CCDC191: variants seen among roughly 807,000 people sequenced by gnomAD.
CCDC191 encodes coiled-coil domain containing 191.
In CCDC191, 99 loss-of-function variants were observed where a neutral mutation model predicts 114.0. That is an observed-to-expected ratio of 0.87 (90% CI 0.74 to 1.03). The LOEUF is 1.03. Among genes scored for constraint, CCDC191 ranks in the 50% least tolerant of loss-of-function variants. CCDC191 has a pLI of 0.00. For synonymous variants in CCDC191, 351 were observed against 376.0 expected (o/e 0.93, Z 0.77); for missense variants, 973 against 1,087.0 (o/e 0.90, Z 1.47).
Position 114,005,758 on chromosome 3 carries a change from T to C in CCDC191, c.1618A>G (p.Thr540Ala). Residue 540 changes from threonine (T) to alanine (A), a missense_variant, in exon 10 of 17, where the codon ACC becomes GCC. Thr to Ala is a moderately conservative substitution (Grantham distance 58). Coordinates refer to ENST00000295878, the MANE Select transcript of CCDC191 (RefSeq NM_020817.2). ...CAAAGCGGTTCTGCTTTCTGGCTGG[T>C]AGTTCTGAGTGTCTCGTTGCTGCCA... Reference protein sequence around the residue: ...QPGSNETLRTTSQKAEPLCLG... With the variant: ...QPGSNETLRTASQKAEPLCLG... 6.2e-7 allele frequency: 1 copy of C among 1,614,124 alleles called. No individual in the cohort carries two copies. The highest frequency in any genetic ancestry group is 8.5e-7 in the Non-Finnish European group (1 of 1,180,004).
chr3:114,014,661 TGCCTCTTTCA>T (rs1255005662), intron 8 of CCDC191, among the ~76,000 whole-genome samples: 1 of 152,170 alleles, frequency 6.6e-6, no homozygotes, highest in Non-Finnish European at 1.5e-5. Context: ...AGCCACATTC[TGCCTCTTTCA>T]GAAGGTGGGT....
rs78792853 is a variant in CCDC191 at position 113,994,549 on chromosome 3, T to C, written c.2163+7046A>G. 1.6e-3 allele frequency among the ~76,000 whole-genome samples: 241 copies of C among 150,746 alleles called. 4 individuals carry two copies. The East Asian group carries it at 0.024, about 15-fold the overall frequency. ...GCAATCACATTCCTAGGTATTTACC[T>C]AAGTGAATTGAAAACTTAAAAAACT... On this transcript the variant is annotated intron_variant, in intron 13 of 16. Coordinates refer to ENST00000295878, the MANE Select transcript of CCDC191 (RefSeq NM_020817.2).
chr3:114,001,422 A>T (rs2075853621), intron 13 of CCDC191, among the ~76,000 whole-genome samples, 173 bp downstream of exon 13: 1 of 152,180 alleles, frequency 6.6e-6, no homozygotes, highest in African/African-American at 2.4e-5. Context: ...GTTCTGTTTT[A>T]GCTGAAATCT....
chr3:114,048,649 A>G (rs1178938553), intron 2 of CCDC191, among the ~76,000 whole-genome samples: 3 of 152,106 alleles, frequency 2.0e-5, no homozygotes, highest in Admixed American at 6.5e-5. Context: ...TCACCTTCCC[A>G]GTAAGGCCTT....
At chr3:114,004,427 G>A (rs1482406699) in intron 11 of CCDC191, 10 of 1,119,926 alleles carry the variant, frequency 8.9e-6, no homozygotes, top group Non-Finnish European at 9.8e-6. Flanking sequence ...GGCTGGGAAT[G>A]CCAAAAAGGT....
Position 114,004,684 on chromosome 3 carries a change from A to C in CCDC191, c.1931T>G (p.Leu644Arg). 6.2e-7 allele frequency: 1 copy of C among 1,612,880 alleles called. No homozygotes were observed. Among genetic ancestry groups the C allele is most frequent in the Non-Finnish European group, 8.5e-7 (1 of 1,179,366 alleles). Reference sequence around the variant, plus strand: ...CATCAATTGCTTTGGTTTCCTTCTGAGTCCAGAAAGAGAATTTCGGGAGTC... The same window carrying C: ...CATCAATTGCTTTGGTTTCCTTCTGCGTCCAGAAAGAGAATTTCGGGAGTC... ...RSDSRNSLSG[L>R]RRKPKQLMTP... The change falls in exon 11 of 17, where the codon CTC becomes CGC. Residue 644 changes from leucine to arginine, a missense_variant. Coordinates refer to ENST00000295878, the MANE Select transcript of CCDC191 (RefSeq NM_020817.2).
At chr3:114,010,409 A>T (rs955306243) in intron 9 of CCDC191, among the ~76,000 whole-genome samples, 1 of 152,170 alleles carries the variant, frequency 6.6e-6, no homozygotes, top group Non-Finnish European at 1.5e-5. Context: ...GAAAAATTTT[A>T]AATTTCCCCT....
chr3:114,042,663 A>G (rs376825155), intron 4 of CCDC191, 40 bp downstream of exon 4: 1 of 1,471,962 alleles, frequency 6.8e-7, no homozygotes, highest in Non-Finnish European at 9.0e-7. Context: ...AGACACATTC[A>G]TTAGATGTTA....
At chr3:114,030,742 T>C (rs938222036) in intron 7 of CCDC191, among the ~76,000 whole-genome samples, 3 of 152,202 alleles carry the variant, frequency 2.0e-5, no homozygotes, top group South Asian at 2.1e-4. Flanking sequence ...ACTCCTGTTA[T>C]TGATTTCCAG....
Position 114,010,954 on chromosome 3 carries a change from G to T in CCDC191, c.1231C>A (p.His411Asn). Residue 411 changes from histidine to asparagine, a missense_variant, in exon 9 of 17, where the codon CAT (histidine) becomes AAT (asparagine). By Grantham distance (68) the His-to-Asn change is moderately conservative (BLOSUM62 1). Coordinates refer to ENST00000295878, the MANE Select transcript of CCDC191 (RefSeq NM_020817.2). ...TTCAGGAGCTCGGCGCCATGCCAAT[G>T]CTGCCATTCTGTAAAGCAGTGTCGG... Reference protein sequence around the residue: ...VLRHCFTEWQHWHGAELLKRE... With the variant: ...VLRHCFTEWQNWHGAELLKRE... 6.2e-7 allele frequency: 1 copy of T among 1,614,020 alleles called. No homozygotes were observed. The highest frequency in any genetic ancestry group is 8.5e-7 in the Non-Finnish European group (1 of 1,179,934).
At chr3:114,011,284 A>G (rs1351376899) in intron 8 of CCDC191, among the ~76,000 whole-genome samples, 1 of 152,222 alleles carries the variant, frequency 6.6e-6, no homozygotes, top group Non-Finnish European at 1.5e-5. Flanking sequence ...GGCATGTTAC[A>G]TGTTTTTGAT....
Position 114,031,691 on chromosome 3 carries a change from T to C in CCDC191, c.907A>G (p.Met303Val). The C allele has an allele frequency of 6.3e-7, 1 of 1,592,176 alleles. No individual in the cohort carries two copies. The highest frequency in any genetic ancestry group is 8.6e-7 in the Non-Finnish European group (1 of 1,160,656). ...AATTTCCTTTTTCTTTCCTTCACCA[T>C]TTTTTCCTCATCTGGAAGAATGTGA... ...STHILPDEEK[M>V]VKERKRKLKE... is the part of the protein sequence containing the mutation. Residue 303 changes from methionine to valine, a missense_variant, in exon 7 of 17, where the codon ATG becomes GTG. Coordinates refer to ENST00000295878, the MANE Select transcript of CCDC191 (RefSeq NM_020817.2).
chr3:114,042,589 T>TAA, intron 4 of CCDC191, 114 bp downstream of exon 4: 1 of 818,714 alleles, frequency 1.2e-6, no homozygotes, highest in South Asian at 2.9e-5. Flanking sequence ...TAATAAAAAC[T>TAA]AAAAAAAACA....
intron 11 of CCDC191, chr3:114,004,340 C>CTT (rs140992391): frequency 7.0e-6 from 7 of 1,002,768 alleles, no homozygotes; most frequent in Non-Finnish European, 5.9e-6. Flanking sequence ...GTAATTATTC[C>CTT]TTTTTTTTTC....
intron 13 of CCDC191, among the ~76,000 whole-genome samples, chr3:113,982,700 C>T (rs1037188991): frequency 2.0e-5 from 3 of 151,978 alleles, no homozygotes; most frequent in Non-Finnish European, 4.4e-5. Flanking sequence ...GTCCCTTGTA[C>T]GCTACTCTCC....
At position 114,039,945 on chromosome 3, in the gene CCDC191, T is replaced by C. The variant is rs1013823104; in HGVS notation, c.415+2758A>G. Among the ~76,000 whole-genome samples, 67 of 152,196 alleles carry C rather than the reference T, an allele frequency of 4.4e-4. 1 individual carries two copies. The highest frequency in any genetic ancestry group is 4.3e-3 in the Admixed American group (66 of 15,282). Reference sequence around the variant, plus strand: ...TACCCTAAGTATACAGTGTTTTAAGTCTACAGTAGCGTATTTTAATATCCT... The same window carrying C: ...TACCCTAAGTATACAGTGTTTTAAGCCTACAGTAGCGTATTTTAATATCCT... On this transcript the variant is annotated intron_variant, in intron 4 of 16. Transcript: ENST00000295878.
intron 12 of CCDC191, 123 bp downstream of exon 12, chr3:114,002,333 C>A (rs1038894451): frequency 1.1e-5 from 7 of 660,896 alleles, no homozygotes; most frequent in South Asian, 9.9e-5. Flanking sequence ...GGCCAAAAAA[C>A]CATTTCCAAA....
chr3:113,968,791 A>G (rs890211326), intron 16 of CCDC191, among the ~76,000 whole-genome samples: 1 of 151,082 alleles, frequency 6.6e-6, no homozygotes, highest in Non-Finnish European at 1.5e-5. Flanking sequence ...TTTTTTTGCT[A>G]TTGTTTGAGT....
chr3:114,011,976 G>C (rs1253904562), intron 8 of CCDC191, among the ~76,000 whole-genome samples: 1 of 152,136 alleles, frequency 6.6e-6, no homozygotes, highest in African/African-American at 2.4e-5. Context: ...ATACTGTTTA[G>C]ACACACACTG....
Sources: gnomAD v4.1 joint callset for allele counts (sites outside exome capture counted in the v4.1 genomes callset) on GRCh38, gnomAD v4.1.1 for gene constraint, MANE v1.5 for transcripts, NCBI Gene and HGNC (gene_info 2026-07-23, HGNC 2026-07-21) for gene names.